The following FAM149A variants were observed in gnomAD, a reference collection of about 807,000 sequenced individuals.
The protein encoded by FAM149A is family with sequence similarity 149 member A, also known as protein FAM149A.
A neutral mutation model predicts 78.2 loss-of-function variants in FAM149A; 71 were observed. That is an observed-to-expected ratio of 0.91 (90% CI 0.75 to 1.11). The LOEUF (loss-of-function observed/expected upper bound fraction) is 1.11. Among genes scored for constraint, FAM149A ranks in the 50% least tolerant of loss-of-function variants. The pLI, the probability that FAM149A is intolerant of heterozygous loss-of-function variation, is 0.00. For synonymous variants in FAM149A, 446 were observed against 410.5 expected, an observed-to-expected ratio of 1.09 and a Z score of -1.04; for missense variants, 1,036 against 971.0, an observed-to-expected ratio of 1.07 and a Z score of -0.89.
intron 4 of FAM149A, among the ~76,000 whole-genome samples, chr4:186,152,679 G>A (rs1416941828): frequency 6.6e-6 from 1 of 151,416 alleles, no homozygotes; most frequent in Admixed American, 6.6e-5. Context: ...CGAGTAGCTG[G>A]GACTACAGGC....
chr4:186,143,335 C>A (rs186110738), intron 1 of FAM149A, among the ~76,000 whole-genome samples: 73 of 151,448 alleles, frequency 4.8e-4, no homozygotes, highest in African/African-American at 1.6e-3. Context: ...CCACCCCTGG[C>A]AATATAAATA....
chr4:186,123,794 G>C, intron 1 of FAM149A: 1 of 975,298 alleles, frequency 1.0e-6, no homozygotes, highest in Non-Finnish European at 1.2e-6. Flanking sequence ...TTTCAGCAGA[G>C]TAAAATGAAA....
chr4:186,109,450 G>A, intron 1 of FAM149A: 1 of 978,082 alleles, frequency 1.0e-6, no homozygotes, highest in Non-Finnish European at 1.2e-6. Context: ...CTGACACTGA[G>A]GCAGCCTCCA....
At chr4:186,132,186 A>T (rs908475986) in intron 1 of FAM149A, 22 of 985,338 alleles carry the variant, frequency 2.2e-5, no homozygotes, top group Non-Finnish European at 2.7e-5. Flanking sequence ...TGAAGGGCAG[A>T]TTTTTAAAGA....
intron 7 of FAM149A, 53 bp from the exon 8 acceptor site, chr4:186,157,512 T>C (rs918215452): frequency 6.5e-7 from 1 of 1,550,118 alleles, no homozygotes; most frequent in African/African-American, 1.4e-5. Context: ...TTTTAAGTAT[T>C]TGTATTAGAT....
rs1480260432 is a variant in FAM149A, at chr4:186,105,109, C to T, written c.33C>T (p.Leu11=). The T allele has an allele frequency of 1.6e-6, 2 of 1,281,724 alleles. No homozygotes were observed. The highest frequency in any genetic ancestry group is 1.2e-4 in the East Asian group (2 of 16,748). 79.4% of individuals were successfully genotyped at this position (1,281,724 alleles called of 1,614,324 possible). A position where few individuals can be genotyped will look rare whatever the true frequency, so the allele number is the denominator to read the frequency against. ...CTGCTGTGCTGGACCTTGGGTCTCTCTTGGCCAAACTCTTCGAGACCTCGA... is the reference window on the plus strand; with the variant it reads ...CTGCTGTGCTGGACCTTGGGTCTCTTTTGGCCAAACTCTTCGAGACCTCGA... Residue 11 remains leucine (L), a synonymous_variant, in exon 1 of 14, where the codon CTC becomes CTT. Transcript: ENST00000389354.
intron 13 of FAM149A, among the ~76,000 whole-genome samples, chr4:186,170,269 G>A (rs1205261880): frequency 6.6e-6 from 1 of 152,230 alleles, no homozygotes; most frequent in Non-Finnish European, 1.5e-5. Flanking sequence ...TAGCTCTGCT[G>A]CTGGGTGCTG....
At chr4:186,150,038 TGCTGGAAAAGTAAAA>T (rs1356277702) in intron 3 of FAM149A, among the ~76,000 whole-genome samples, 1 of 152,134 alleles carries the variant, frequency 6.6e-6, no homozygotes, top group Non-Finnish European at 1.5e-5. Context: ...AAGAAAGAAA[TGCTGGAAAAGTAAAA>T]GCTGTGGCAG....
intron 1 of FAM149A, among the ~76,000 whole-genome samples, chr4:186,143,864 A>G (rs1732750795): frequency 6.6e-6 from 1 of 152,150 alleles, no homozygotes; most frequent in Non-Finnish European, 1.5e-5. Flanking sequence ...ATTTCTTGTC[A>G]CCGTGCTAGG....
chr4:186,165,416 G>A lies in FAM149A; in HGVS notation c.1962G>A (p.Thr654=), dbSNP rs757586626. ...GGAGCAGGTTCCCCCCGCTAGTCAC[G>A]GAGACCAGGGGGCAGAATACAGCAG... Residue 654 remains threonine (T), a synonymous_variant, in exon 11 of 14, where the codon ACG becomes ACA. Coordinates refer to ENST00000389354, the MANE Select transcript of FAM149A (RefSeq NM_001367768.3). The A allele has an allele frequency of 5.0e-6, 8 of 1,613,998 alleles. No homozygotes were observed. The highest frequency in any genetic ancestry group is 1.3e-5 in the African/African-American group (1 of 74,932).
chr4:186,128,070 A>C (rs1162179149), intron 1 of FAM149A, among the ~76,000 whole-genome samples: 1 of 136,040 alleles, frequency 7.4e-6, no homozygotes, highest in African/African-American at 2.8e-5. Flanking sequence ...AGCTCACTGC[A>C]ACCTCCGCCT....
chr4:186,121,163 A>C (rs1369161198), intron 1 of FAM149A, among the ~76,000 whole-genome samples: 1 of 152,172 alleles, frequency 6.6e-6, no homozygotes, highest in Non-Finnish European at 1.5e-5. Flanking sequence ...AATATATTTT[A>C]TTCATACTAG....
chr4:186,145,518 T>G lies in FAM149A; in HGVS notation c.567-3655T>G, dbSNP rs139470415. On this transcript the variant is annotated intron_variant, in intron 1 of 13. Coordinates refer to ENST00000389354, the MANE Select transcript of FAM149A (RefSeq NM_001367768.3). ...AAGCTGCTGTCACTGACATTAGAAT[T>G]TCTACAAAGCAGTGTGGCAGAGGTT... is the stretch of plus-strand genomic sequence containing the variant. Among the ~76,000 whole-genome samples, 984 of 152,310 alleles carry G rather than the reference T, an allele frequency of 6.5e-3. 12 individuals carry two copies. The highest frequency in any genetic ancestry group is 0.022 in the African/African-American group (921 of 41,566).
rs550092034 is a variant in FAM149A at position 186,110,865 on chromosome 4, G to C, written c.566+5223G>C. ...TGCCGCAATAAACCTATGTGTGCAT[G>C]TGTCTTTATAGCAGCATGATTTATA... On this transcript the variant is annotated intron_variant, in intron 1 of 13. Transcript: ENST00000389354. Among the ~76,000 whole-genome samples, 20 of 150,496 alleles carry C rather than the reference G, an allele frequency of 1.3e-4. No homozygotes were observed. The East Asian group carries it at 3.9e-3, about 29-fold the overall frequency.
chr4:186,148,646 A>C (rs1232407600), intron 1 of FAM149A, among the ~76,000 whole-genome samples: 1 of 152,200 alleles, frequency 6.6e-6, no homozygotes, highest in Non-Finnish European at 1.5e-5. Flanking sequence ...TAACTCTTGA[A>C]AACTCAGTAT....
chr4:186,160,911 G>T, intron 8 of FAM149A: 1 of 979,662 alleles, frequency 1.0e-6, no homozygotes, highest in Non-Finnish European at 1.2e-6. Flanking sequence ...TTGTAAATCA[G>T]TCCCTGTTTC....
chr4:186,136,970 C>CTTTCTT (rs1561396368), intron 1 of FAM149A, among the ~76,000 whole-genome samples: 1 of 76,088 alleles, frequency 1.3e-5, no homozygotes, highest in African/African-American at 5.5e-5. Context: ...CTCTTTCTCT[C>CTTTCTT]TCTCTTTCTC....
In FAM149A at chr4:186,167,094, C is replaced by A; in HGVS notation, c.2137C>A (p.Arg713=). The A allele has an allele frequency of 3.7e-6, 6 of 1,611,842 alleles. No individual in the cohort carries two copies. The highest frequency in any genetic ancestry group is 4.2e-6 in the Non-Finnish European group (5 of 1,178,314). ...AAGGCCCAGCACAACCCACACGTTCCGGGTGGGTTCTCTGTTTCCTGTAAC... is the reference window on the plus strand; with the variant it reads ...AAGGCCCAGCACAACCCACACGTTCAGGGTGGGTTCTCTGTTTCCTGTAAC... The change falls in exon 12 of 14, where the codon CGG becomes AGG. Residue 713 remains arginine (R), a splice_region_variant and synonymous_variant. Coordinates refer to ENST00000389354, the MANE Select transcript of FAM149A (RefSeq NM_001367768.3).
At chr4:186,130,671 T>A (rs1465493181) in intron 1 of FAM149A, among the ~76,000 whole-genome samples, 2 of 152,012 alleles carry the variant, frequency 1.3e-5, no homozygotes, top group Non-Finnish European at 2.9e-5. Context: ...TTATGTATAA[T>A]TTTTTGGAGT....
Sources: gnomAD v4.1 joint callset for allele counts (sites outside exome capture counted in the v4.1 genomes callset) on GRCh38, gnomAD v4.1.1 for gene constraint, MANE v1.5 for transcripts, NCBI Gene and HGNC (gene_info 2026-07-23, HGNC 2026-07-21) for gene names.